Variants in SDCBP observed in about 807,000 individuals in gnomAD.
SDCBP encodes the protein syndecan binding protein.
In SDCBP, 22 loss-of-function variants were observed where a neutral mutation model predicts 30.5. The observed-to-expected ratio is 0.72, with a 90% CI of 0.52 to 1.03. The LOEUF (loss-of-function observed/expected upper bound fraction) is 1.03, where lower values mean the gene tolerates loss of function less well. Ranked by LOEUF, SDCBP falls within the 50% of genes least tolerant of loss-of-function variation. The probability of loss-of-function intolerance (pLI) is 0.00; values close to 1 mark genes in which losing one functional copy is unlikely to be tolerated. For synonymous variants in SDCBP, 103 were observed against 118.7 expected, an observed-to-expected ratio of 0.87 and a Z score of 0.86; for missense variants, 304 against 369.9, an observed-to-expected ratio of 0.82 and a Z score of 1.46.
At chr8:58,558,645 T>G (rs1042893875) in intron 1 of SDCBP, among the ~76,000 whole-genome samples, 1 of 152,180 alleles carries the variant, frequency 6.6e-6, no homozygotes, top group Admixed American at 6.6e-5. Context: ...GAGTCCTGCC[T>G]TCAAGTAGTG....
intron 2 of SDCBP, chr8:58,570,596 A>G: frequency 4.2e-6 from 1 of 239,638 alleles, no homozygotes; most frequent in Non-Finnish European, 7.9e-6. Context: ...GCACTTTGAA[A>G]ATATTAATTT....
rs373550002 is a variant in SDCBP, at chr8:58,578,213, G to T, written c.578+5G>T. The stretch of plus-strand genomic sequence containing the variant: ...TACCATGACCATTCGTGACAGGTAA[G>T]CTGTTACTAAACAGCTCAAATGAAA... On this transcript the variant is annotated splice_donor_5th_base_variant and intron_variant, in intron 6 of 8. Transcript: ENST00000260130. The T allele has an allele frequency of 2.0e-6, 3 of 1,530,824 alleles. No homozygotes were observed. Among genetic ancestry groups the T allele is most frequent in the Non-Finnish European group, 2.6e-6 (3 of 1,143,116 alleles). 94.8% of individuals were successfully genotyped at this position (1,530,824 alleles called of 1,614,324 possible).
chr8:58,578,301 A>G, intron 6 of SDCBP, 93 bp downstream of exon 6: 1 of 931,370 alleles, frequency 1.1e-6, no homozygotes, highest in African/African-American at 1.7e-5. Context: ...ATTTTGTTGC[A>G]GAAAATGATC....
intron 1 of SDCBP, among the ~76,000 whole-genome samples, chr8:58,553,514 C>G (rs1803923583): frequency 6.6e-6 from 1 of 152,016 alleles, no homozygotes; most frequent in African/African-American, 2.4e-5. Flanking sequence ...GGGAGCAGCG[C>G]GCTCTTCCTG....
chr8:58,579,565 A>T, intron 6 of SDCBP, 58 bp from the exon 7 acceptor site: 1 of 1,307,768 alleles, frequency 7.6e-7, no homozygotes, highest in Non-Finnish European at 1.0e-6. Context: ...GCTATATGAA[A>T]TCCATTAAAA....
Position 58,557,345 on chromosome 8 carries a change from A to T in SDCBP, c.-16+4042A>T, listed in dbSNP as rs544823965. On this transcript the variant is annotated intron_variant, in intron 1 of 8. Coordinates refer to ENST00000260130, the MANE Select transcript of SDCBP (RefSeq NM_005625.4). ...ATAAAATATATAAATATAAATATAT[A>T]AAATATATAGATATATAAAAATATA... 3.2e-4 allele frequency among the ~76,000 whole-genome samples: 43 copies of T among 136,382 alleles called. No individual in the cohort carries two copies. In the South Asian group the frequency reaches 6.8e-3, roughly 21 times the overall value. The allele number at this position is 136,382 out of a possible 152,430, so 89.5% of individuals were successfully genotyped here.
chr8:58,581,764 A>T lies in SDCBP; in HGVS notation c.*24A>T, dbSNP rs370076491. 5.3e-4 allele frequency: 853 copies of T among 1,603,394 alleles called. 2 individuals are homozygous for T. The highest frequency in any genetic ancestry group is 6.7e-4 in the South Asian group (61 of 90,808). ...AAAATTCACGGCACCATGGAAATGT[A>T]GCTGAACGTCTCCAGTTTCCTTCTT... On this transcript the variant is annotated 3_prime_UTR_variant, in exon 9 of 9. Coordinates refer to ENST00000260130, the MANE Select transcript of SDCBP (RefSeq NM_005625.4).
chr8:58,580,436 T>G, intron 7 of SDCBP, 81 bp from the exon 8 acceptor site: 2 of 735,306 alleles, frequency 2.7e-6, no homozygotes, highest in African/African-American at 1.8e-5. Flanking sequence ...TATTTTGTAT[T>G]TCTTTACCAA....
At position 58,572,312 on chromosome 8, in the gene SDCBP, G is replaced by C; in HGVS notation, c.238G>C (p.Gly80Arg). Reference sequence around the variant, plus strand: ...CGTGGTTTCTGGTGCACCACTTCAGGGGGTATGTATAGTGTAATTAATTTT... The same window carrying C: ...CGTGGTTTCTGGTGCACCACTTCAGCGGGTATGTATAGTGTAATTAATTTT... ...VAVVSGAPLQ[G>R]QLVARPSSIN... Residue 80 changes from glycine (G) to arginine (R), a missense_variant and splice_region_variant, in exon 4 of 9, where the codon GGG becomes CGG. Gly to Arg is a moderately radical substitution (Grantham distance 125). Transcript: ENST00000260130. 1 of 1,578,358 alleles carries C rather than the reference G, an allele frequency of 6.3e-7. No individual in the cohort carries two copies. The highest frequency in any genetic ancestry group is 1.1e-5 in the South Asian group (1 of 90,376).
rs1657384371 is a variant in SDCBP, at chr8:58,582,111, A to T, written c.*371A>T. The stretch of plus-strand genomic sequence containing the variant: ...GGTAATGAGTAGTGCTGTTCATATT[A>T]CTTTAGTTCTATAGCATACTTGCAT... On this transcript the variant is annotated 3_prime_UTR_variant, in exon 9 of 9. Coordinates refer to ENST00000260130, the MANE Select transcript of SDCBP (RefSeq NM_005625.4). The T allele has an allele frequency of 5.4e-6, 1 of 186,380 alleles. No homozygotes were observed. The highest frequency in any genetic ancestry group is 2.4e-5 in the African/African-American group (1 of 42,214). The allele number at this position is 186,380 out of a possible 1,614,324, so 11.5% of individuals were successfully genotyped here.
intron 1 of SDCBP, among the ~76,000 whole-genome samples, chr8:58,559,125 G>A (rs190861462): frequency 5.1e-4 from 78 of 152,236 alleles, no homozygotes; most frequent in African/African-American, 1.9e-3. Context: ...TGAGTTGCTG[G>A]TGTGTGAATT....
Position 58,580,561 on chromosome 8 carries a change from T to TA in SDCBP, c.796dup (p.Thr266AsnfsTer11). The TA allele has an allele frequency of 6.3e-7, 1 of 1,597,108 alleles. No homozygotes were observed. Among genetic ancestry groups the TA allele is most frequent in the Non-Finnish European group, 8.6e-7 (1 of 1,164,904 alleles). On this transcript the variant is annotated frameshift_variant, in exon 8 of 9. Transcript: ENST00000260130. LOFTEE classifies it high-confidence loss of function. ...TACTGTCAACATCTGGGACTGTAGT[T>TA]ACTATTACAATCATGCCTGCTTTTA...
intron 4 of SDCBP, 32 bp from the exon 5 acceptor site, chr8:58,575,868 A>C (rs1249218347): frequency 6.5e-7 from 1 of 1,544,838 alleles, no homozygotes; most frequent in African/African-American, 1.4e-5. Flanking sequence ...GAGTGTTTCT[A>C]GATATTGACA....
rs116407876 is a variant in SDCBP, at chr8:58,574,826, A to C, written c.241-1074A>C. On this transcript the variant is annotated intron_variant, in intron 4 of 8. Transcript: ENST00000260130. ...AATGATTACCACAGTCAGGGTTATT[A>C]ACGTATCTGTCATCTCACATGGTTA... is the stretch of plus-strand genomic sequence containing the variant. 4.6e-3 allele frequency among the ~76,000 whole-genome samples: 698 copies of C among 152,334 alleles called. 6 individuals carry two copies. Among genetic ancestry groups the C allele is most frequent in the African/African-American group, 0.016 (663 of 41,584 alleles).
intron 7 of SDCBP, among the ~76,000 whole-genome samples, chr8:58,580,260 T>C (rs1314158009): frequency 5.3e-5 from 8 of 152,224 alleles, no homozygotes; most frequent in Non-Finnish European, 1.2e-4. Flanking sequence ...GAGGAGATGG[T>C]AATATTGTAT....
At chr8:58,559,741 C>G (rs1804336884) in intron 1 of SDCBP, among the ~76,000 whole-genome samples, 2 of 152,194 alleles carry the variant, frequency 1.3e-5, no homozygotes, top group Non-Finnish European at 2.9e-5. Context: ...AATACTGATT[C>G]AATAACAATA....
At chr8:58,570,672 TGATAGCC>T in intron 2 of SDCBP, 1 of 443,904 alleles carries the variant, frequency 2.3e-6, no homozygotes, top group African/African-American at 2.0e-5. Context: ...AATTTTTTTG[TGATAGCC>T]TTAAAAGTAT....
At chr8:58,576,465 A>C (rs973663970) in intron 5 of SDCBP, 7 of 157,168 alleles carry the variant, frequency 4.5e-5, no homozygotes, top group Non-Finnish European at 9.7e-5. Flanking sequence ...GCCAGGCTGC[A>C]GTGCAGTGGT....
Position 58,579,610 on chromosome 8 carries a change from A to C in SDCBP, c.579-13A>C. 6.6e-7 allele frequency: 1 copy of C among 1,514,244 alleles called. No homozygotes were observed. 93.8% of individuals were successfully genotyped at this position (1,514,244 alleles called of 1,614,324 possible). ...TAGAATTAAGTTTTTAATTGAACCA[A>C]TTATGTTTGTAGGCCCTTTGAACGG... is the stretch of plus-strand genomic sequence containing the variant. On this transcript the variant is annotated splice_polypyrimidine_tract_variant and intron_variant, in intron 6 of 8. Coordinates refer to ENST00000260130, the MANE Select transcript of SDCBP (RefSeq NM_005625.4).
Sources: allele counts gnomAD v4.1 joint callset (sites outside exome capture counted in the v4.1 genomes callset), GRCh38; gene constraint gnomAD v4.1.1; transcripts MANE v1.5; gene names NCBI Gene and HGNC (gene_info 2026-07-23, HGNC 2026-07-21).